Variants in LAMA2 observed in about 807,000 individuals in gnomAD.
LAMA2 encodes the protein laminin subunit alpha 2.
Under a neutral mutation model 364.8 loss-of-function variants are expected in LAMA2, and 269 were observed. The ratio of observed to expected loss-of-function variants is 0.74; its 90% confidence interval spans 0.67 to 0.82. LAMA2 has a LOEUF of 0.82. LAMA2 is among the 40% of genes least tolerant of loss of function. The pLI is 0.00. For synonymous variants in LAMA2, 1,379 were observed against 1,370.6 expected (o/e 1.01, Z -0.14); for missense variants, 3,807 against 3,873.2 (o/e 0.98, Z 0.45).
At chr6:129,251,370 T>G (rs978742492) in intron 13 of LAMA2, among the ~76,000 whole-genome samples, 2 of 152,062 alleles carry the variant, frequency 1.3e-5, no homozygotes, top group African/African-American at 4.8e-5. Flanking sequence ...TCTTTCCCTA[T>G]TGTTCTACAC....
intron 1 of LAMA2, among the ~76,000 whole-genome samples, chr6:128,913,251 C>G (rs1277169268): frequency 6.6e-6 from 1 of 152,090 alleles, no homozygotes; most frequent in Non-Finnish European, 1.5e-5. Flanking sequence ...AGCTGGAGAC[C>G]TTTTAAACTT....
chr6:129,289,648 T>C (rs1441670370), intron 19 of LAMA2, among the ~76,000 whole-genome samples: 3 of 152,044 alleles, frequency 2.0e-5, no homozygotes, highest in Non-Finnish European at 4.4e-5. Flanking sequence ...TTTATTATGG[T>C]AATTAATTAT....
At chr6:129,281,506 T>A (rs539262770) in intron 18 of LAMA2, among the ~76,000 whole-genome samples, 1 of 152,198 alleles carries the variant, frequency 6.6e-6, no homozygotes, top group Non-Finnish European at 1.5e-5. Context: ...TTTAAAACCC[T>A]ACATTTTATT....
chr6:129,016,573 G>A (rs1445974604), intron 1 of LAMA2, among the ~76,000 whole-genome samples: 2 of 151,710 alleles, frequency 1.3e-5, no homozygotes, highest in Non-Finnish European at 3.0e-5. Flanking sequence ...AAAGAAATTA[G>A]ACATAAAAGA....
intron 18 of LAMA2, among the ~76,000 whole-genome samples, chr6:129,287,201 T>C (rs936369565): frequency 9.3e-5 from 14 of 151,092 alleles, no homozygotes; most frequent in Admixed American, 7.3e-4. Flanking sequence ...TATCACCTTA[T>C]GGCATATTCC....
chr6:129,219,025 A>C (rs529725669), intron 12 of LAMA2, among the ~76,000 whole-genome samples: 1 of 152,270 alleles, frequency 6.6e-6, no homozygotes, highest in Admixed American at 6.5e-5. Context: ...GGTTTGTATA[A>C]GTTTGAGTTA....
At position 129,332,883 on chromosome 6, in the gene LAMA2, ATTTTTT is replaced by A. The variant is rs10590805; in HGVS notation, c.4311+4493_4311+4498del. 3.6e-3 allele frequency among the ~76,000 whole-genome samples: 374 copies of A among 104,410 alleles called. 16 individuals carry two copies. The highest frequency in any genetic ancestry group is 7.0e-3 in the African/African-American group (168 of 24,002). 68.5% of individuals were successfully genotyped at this position (104,410 alleles called of 152,430 possible). ...TGATTCAGTTATTGTTAAGTTTACCATTTTTTTTTTTTTTTTTTTTTTTTTTTGAGA... is the reference window on the plus strand; with the variant it reads ...TGATTCAGTTATTGTTAAGTTTACCATTTTTTTTTTTTTTTTTTTTTGAGA... On this transcript the variant is annotated intron_variant, in intron 29 of 64. Transcript: ENST00000421865.
Position 128,883,222 on chromosome 6 carries a change from G to A in LAMA2, c.-24G>A, listed in dbSNP as rs1374473406. The A allele has an allele frequency of 6.5e-7, 1 of 1,547,408 alleles. No homozygotes were observed. The highest frequency in any genetic ancestry group is 2.0e-5 in the Admixed American group (1 of 51,026). ...CAGCGACTCCTCTGGCTCCCGAGAA[G>A]TGGATCCGGTCGCGGCCACTACGAT... is the stretch of plus-strand genomic sequence containing the variant. On this transcript the variant is annotated 5_prime_UTR_variant, in exon 1 of 65. The change creates a new upstream start codon in the 5' untranslated region. Transcript: ENST00000421865.
At chr6:129,378,814 G>A (rs910203237) in intron 34 of LAMA2, among the ~76,000 whole-genome samples, 1 of 152,128 alleles carries the variant, frequency 6.6e-6, no homozygotes, top group African/African-American at 2.4e-5. Flanking sequence ...CTTTTCACCT[G>A]TGTAAAAAGA....
intron 40 of LAMA2, among the ~76,000 whole-genome samples, chr6:129,405,034 C>G (rs1780177132): frequency 6.6e-6 from 1 of 152,060 alleles, no homozygotes. Flanking sequence ...ATGATCATTG[C>G]AGAAGCATTT....
intron 1 of LAMA2, among the ~76,000 whole-genome samples, chr6:129,046,579 A>ACT (rs1432451480): frequency 6.6e-6 from 1 of 152,218 alleles, no homozygotes; most frequent in East Asian, 1.9e-4. Flanking sequence ...TACAGGCGCT[A>ACT]CAATTCAAGA....
intron 4 of LAMA2, among the ~76,000 whole-genome samples, chr6:129,141,027 A>G (rs1207249447): frequency 1.3e-5 from 2 of 152,114 alleles, no homozygotes; most frequent in African/African-American, 4.8e-5. Context: ...CGGCACAAAC[A>G]TGATTCACCA....
intron 14 of LAMA2, among the ~76,000 whole-genome samples, chr6:129,256,763 CAT>C (rs199726173): frequency 0.024 from 2,134 of 87,834 alleles, 27 homozygotes; most frequent in East Asian, 0.078. Context: ...AATTATATAG[CAT>C]ATATATATAT....
intron 1 of LAMA2, among the ~76,000 whole-genome samples, chr6:128,979,661 G>A (rs1782746495): frequency 6.6e-6 from 1 of 152,168 alleles, no homozygotes; most frequent in South Asian, 2.1e-4. Flanking sequence ...AGGCTCTACT[G>A]CAACATGTCT....
intron 53 of LAMA2, among the ~76,000 whole-genome samples, chr6:129,478,297 C>A (rs1473193678): frequency 6.6e-6 from 1 of 151,660 alleles, no homozygotes; most frequent in Non-Finnish European, 1.5e-5. Flanking sequence ...AACTTTTGAG[C>A]AAGGTTTTTA....
At chr6:129,275,611 A>G (rs1238133375) in intron 17 of LAMA2, among the ~76,000 whole-genome samples, 1 of 151,954 alleles carries the variant, frequency 6.6e-6, no homozygotes, top group African/African-American at 2.4e-5. Flanking sequence ...ATTAACAGCT[A>G]TGTTAATATA....
intron 3 of LAMA2, among the ~76,000 whole-genome samples, chr6:129,071,772 T>G (rs890006161): frequency 6.6e-6 from 1 of 152,196 alleles, no homozygotes; most frequent in Non-Finnish European, 1.5e-5. Flanking sequence ...GTCAGTGTAT[T>G]TTCAATTCTT....
In LAMA2 at chr6:129,502,713, G is replaced by C. The variant is rs779071476; in HGVS notation, c.8299G>C (p.Gly2767Arg). ...PALLIGSKQF[G>R]LSRNSHIAIA... Reference sequence around the variant, plus strand: ...TCTTTTGATAGGGAGCAAGCAGTTCGGGCTTTCAAGAAACAGTCACATTGC... The same window carrying C: ...TCTTTTGATAGGGAGCAAGCAGTTCCGGCTTTCAAGAAACAGTCACATTGC... The change falls in exon 59 of 65, where the codon GGG becomes CGG. Residue 2767 changes from glycine (G) to arginine (R), a missense_variant. Gly to Arg is a moderately radical substitution (Grantham distance 125). Around this residue, in one of 3 missense-constraint regions of LAMA2, gnomAD observed 3,333 missense variants for 3,345.7 expected, o/e 1.00. Transcript: ENST00000421865. 6.2e-7 allele frequency: 1 copy of C among 1,613,994 alleles called. No individual in the cohort carries two copies. Among genetic ancestry groups the C allele is most frequent in the Non-Finnish European group, 8.5e-7 (1 of 1,179,930 alleles).
At position 129,445,730 on chromosome 6, in the gene LAMA2, T is replaced by C. The variant is rs1782335962; in HGVS notation, c.6338T>C (p.Leu2113Pro). 1.2e-6 allele frequency: 2 copies of C among 1,613,580 alleles called. No individual in the cohort carries two copies. The highest frequency in any genetic ancestry group is 1.7e-6 in the Non-Finnish European group (2 of 1,179,752). The change falls in exon 45 of 65, where the codon CTC becomes CCC. Residue 2113 changes from leucine to proline, a missense_variant. This residue lies in a region of LAMA2 where 3,333 missense variants were observed against 3,345.7 expected (regional missense o/e 1.00). Coordinates refer to ENST00000421865, the MANE Select transcript of LAMA2 (RefSeq NM_000426.4). ...EQEADRLIDK[L>P]KPIKELEDNL... ...GAAGCTGACCGGCTAATAGATAAAC[T>C]CAAACCCATCAAGGAACTTGAGGAT...
Sources: allele counts gnomAD v4.1 joint callset (sites outside exome capture counted in the v4.1 genomes callset), GRCh38; gene constraint gnomAD v4.1.1; regional missense constraint gnomAD v4.1.1; transcripts MANE v1.5; gene names NCBI Gene and HGNC (gene_info 2026-07-23, HGNC 2026-07-21).